The following RAP1GDS1 variants were observed in gnomAD, a reference collection of about 807,000 sequenced individuals.
RAP1GDS1 encodes RAP1, GTP-GDP dissociation stimulator 1.
In RAP1GDS1, 35 loss-of-function variants were observed where a neutral mutation model predicts 71.1. That is an observed-to-expected ratio of 0.49 (90% CI 0.38 to 0.65). The LOEUF (loss-of-function observed/expected upper bound fraction) is 0.65, where lower values mean the gene tolerates loss of function less well. Ranked by LOEUF, RAP1GDS1 falls within the 30% of genes least tolerant of loss-of-function variation. RAP1GDS1 has a pLI of 0.00. For missense variants in RAP1GDS1, 663 were observed against 706.1 expected (o/e 0.94, Z 0.69); for synonymous variants, 229 against 243.1 (o/e 0.94, Z 0.54).
At chr4:98,426,028 C>G (rs1191456997) in intron 12 of RAP1GDS1, among the ~76,000 whole-genome samples, 1 of 152,134 alleles carries the variant, frequency 6.6e-6, no homozygotes. Flanking sequence ...CAAGTACTCT[C>G]TCAAACCACA....
At chr4:98,329,921 CT>C (rs971637378) in intron 2 of RAP1GDS1, among the ~76,000 whole-genome samples, 26 of 150,346 alleles carry the variant, frequency 1.7e-4, no homozygotes, top group Admixed American at 9.9e-4. Flanking sequence ...ATATTCTCCT[CT>C]TTTTTTTAAA....
chr4:98,308,297 C>CTATATATATATA (rs779815305), intron 2 of RAP1GDS1, among the ~76,000 whole-genome samples: 1,419 of 73,012 alleles, frequency 0.019, 49 homozygotes, highest in South Asian at 0.023. Context: ...CACACACACA[C>CTATATATATATA]TATATATATA....
intron 2 of RAP1GDS1, among the ~76,000 whole-genome samples, chr4:98,323,095 C>T (rs1732252486): frequency 6.6e-6 from 1 of 151,002 alleles, no homozygotes; most frequent in South Asian, 2.1e-4. Flanking sequence ...GGGATATCAC[C>T]ACCGATCCCA....
In RAP1GDS1 at chr4:98,416,835, A is replaced by T; in HGVS notation, c.854A>T (p.Asp285Val). Residue 285 changes from aspartate to valine, a missense_variant, in exon 8 of 15, where the codon GAT becomes GTT. Coordinates refer to ENST00000408927, the MANE Select transcript of RAP1GDS1 (RefSeq NM_001100427.2). ...QQKVDSDKED[D>V]ITELKTGSDL... Reference sequence around the variant, plus strand: ...AAAGTGGATAGTGACAAAGAAGATGATATTACTGAGCTCAAAACTGGTTCA... The same window carrying T: ...AAAGTGGATAGTGACAAAGAAGATGTTATTACTGAGCTCAAAACTGGTTCA... 1 of 1,614,020 alleles carries T rather than the reference A, an allele frequency of 6.2e-7. No homozygotes were observed. The highest frequency in any genetic ancestry group is 8.5e-7 in the Non-Finnish European group (1 of 1,179,946).
At chr4:98,281,470 CTT>C (rs1161820136) in intron 1 of RAP1GDS1, among the ~76,000 whole-genome samples, 1 of 151,972 alleles carries the variant, frequency 6.6e-6, no homozygotes, top group East Asian at 1.9e-4. Context: ...TATCCTGAGA[CTT>C]TGCTGAAGTT....
chr4:98,356,623 A>T (rs1215839391), intron 4 of RAP1GDS1, among the ~76,000 whole-genome samples: 2 of 152,112 alleles, frequency 1.3e-5, no homozygotes, highest in Non-Finnish European at 2.9e-5. Flanking sequence ...CAAATCAAAT[A>T]AAAATGTTTT....
chr4:98,439,150 A>G (rs1021631029), intron 14 of RAP1GDS1, among the ~76,000 whole-genome samples: 1 of 152,190 alleles, frequency 6.6e-6, no homozygotes, highest in African/African-American at 2.4e-5. Flanking sequence ...TTTTTCATTC[A>G]TAATGAAAGG....
At chr4:98,348,950 A>G (rs1395100622) in intron 3 of RAP1GDS1, among the ~76,000 whole-genome samples, 1 of 152,064 alleles carries the variant, frequency 6.6e-6, no homozygotes, top group Non-Finnish European at 1.5e-5. Context: ...TTCTTTTGCA[A>G]TGCAGAAGCT....
At chr4:98,431,299 T>C (rs761321405) in intron 12 of RAP1GDS1, among the ~76,000 whole-genome samples, 3 of 152,192 alleles carry the variant, frequency 2.0e-5, no homozygotes, top group Non-Finnish European at 4.4e-5. Context: ...TCAATGGCTA[T>C]ACCAACCGGC....
chr4:98,419,659 C>CA, intron 10 of RAP1GDS1, among the ~76,000 whole-genome samples: 1 of 152,226 alleles, frequency 6.6e-6, no homozygotes, highest in Non-Finnish European at 1.5e-5. Context: ...ATGTCTATAA[C>CA]ATTTATATTA....
intron 14 of RAP1GDS1, chr4:98,441,717 T>C: frequency 1.4e-6 from 1 of 718,948 alleles, no homozygotes; most frequent in Non-Finnish European, 1.7e-6. Context: ...CAGTAAGCTG[T>C]GACCATGCCA....
Position 98,346,558 on chromosome 4 carries a change from A to AT in RAP1GDS1, c.235+3311dup, listed in dbSNP as rs898244782. Among the ~76,000 whole-genome samples, 1,018 of 144,124 alleles carry AT rather than the reference A, an allele frequency of 7.1e-3. 2 individuals are homozygous for AT. Among genetic ancestry groups the AT allele is most frequent in the Non-Finnish European group, 0.011 (704 of 65,436 alleles). The allele number at this position is 144,124 out of a possible 152,430, so 94.6% of individuals were successfully genotyped here. A position where few individuals can be genotyped will look rare whatever the true frequency, so the allele number is the denominator to read the frequency against. On this transcript the variant is annotated intron_variant, in intron 3 of 14. Transcript: ENST00000408927. Reference sequence around the variant, plus strand: ...CGTCATTTTGTAAGAATGATTATTTATTTTTTTTTTTTTTGAGAGGGAGTC... The same window carrying AT: ...CGTCATTTTGTAAGAATGATTATTTATTTTTTTTTTTTTTTGAGAGGGAGTC...
intron 7 of RAP1GDS1, chr4:98,409,568 A>T (rs1746707994): frequency 5.2e-6 from 1 of 191,846 alleles, no homozygotes. Flanking sequence ...TGAGCATATT[A>T]AGCACTCAAG....
chr4:98,431,261 G>C (rs1467159418), intron 12 of RAP1GDS1, among the ~76,000 whole-genome samples: 2 of 152,082 alleles, frequency 1.3e-5, no homozygotes, highest in Non-Finnish European at 2.9e-5. Flanking sequence ...TCTTGAAAAA[G>C]AAAATTTTTG....
intron 7 of RAP1GDS1, among the ~76,000 whole-genome samples, chr4:98,405,858 T>C (rs778834384): frequency 6.6e-6 from 1 of 151,974 alleles, no homozygotes; most frequent in African/African-American, 2.4e-5. Context: ...GTAAATCTTA[T>C]AAACATTGAA....
chr4:98,387,551 T>G, intron 5 of RAP1GDS1: 3 of 445,696 alleles, frequency 6.7e-6, no homozygotes, highest in South Asian at 4.7e-5. Context: ...CTTATATCTC[T>G]TTGTATATGC....
At chr4:98,364,169 A>G (rs1170265215) in intron 4 of RAP1GDS1, among the ~76,000 whole-genome samples, 4 of 152,176 alleles carry the variant, frequency 2.6e-5, no homozygotes, top group Non-Finnish European at 5.9e-5. Context: ...TAAATATTCA[A>G]AAAGTTAAAA....
chr4:98,391,510 A>G (rs902994466), intron 5 of RAP1GDS1, among the ~76,000 whole-genome samples: 2 of 152,018 alleles, frequency 1.3e-5, no homozygotes, highest in Non-Finnish European at 2.9e-5. Context: ...TTTTTAAAGG[A>G]TTCTAAGATT....
Position 98,418,735 on chromosome 4 carries a change from G to C in RAP1GDS1, c.1118G>C (p.Gly373Ala). ...TTACTGGACAGACATGTAGAAGATG[G>C]AAATGTAACAGTACAGCATGCAGCA... Reference protein sequence around the residue: ...MDLLDRHVEDGNVTVQHAALS... With the variant: ...MDLLDRHVEDANVTVQHAALS... The change falls in exon 10 of 15, where the codon GGA becomes GCA. Residue 373 changes from glycine (G) to alanine (A), a missense_variant. By Grantham distance (60) the Gly-to-Ala change is moderately conservative (BLOSUM62 0). Transcript: ENST00000408927. 1 of 1,612,814 alleles carries C rather than the reference G, an allele frequency of 6.2e-7. No homozygotes were observed. The highest frequency in any genetic ancestry group is 8.5e-7 in the Non-Finnish European group (1 of 1,179,436).
Sources: allele counts gnomAD v4.1 joint callset (sites outside exome capture counted in the v4.1 genomes callset), GRCh38; gene constraint gnomAD v4.1.1; transcripts MANE v1.5; gene names NCBI Gene and HGNC (gene_info 2026-07-23, HGNC 2026-07-21).